TSNARE1: variants seen among roughly 807,000 people sequenced by gnomAD.
TSNARE1 encodes the protein t-SNARE domain containing 1, also known as t-SNARE domain-containing protein 1.
In TSNARE1, 49 loss-of-function variants were observed where a neutral mutation model predicts 62.0. The observed-to-expected ratio is 0.79, with a 90% CI of 0.63 to 1.00. The LOEUF (loss-of-function observed/expected upper bound fraction) is 1.00. Ranked by LOEUF, TSNARE1 falls within the 50% of genes least tolerant of loss-of-function variation. The pLI, the probability that TSNARE1 is intolerant of heterozygous loss-of-function variation, is 0.00. For missense variants in TSNARE1, 755 were observed against 700.1 expected (o/e 1.08, Z -0.88); for synonymous variants, 328 against 294.4 (o/e 1.11, Z -1.17).
intron 11 of TSNARE1, chr8:142,276,336 G>C (rs1326370802): frequency 1.1e-5 from 11 of 985,354 alleles, no homozygotes; most frequent in Non-Finnish European, 1.2e-5. Flanking sequence ...GAGGAGGAGA[G>C]GGAAGGAAGA....
chr8:142,254,097 G>A (rs1818311872), intron 12 of TSNARE1, among the ~76,000 whole-genome samples: 2 of 152,260 alleles, frequency 1.3e-5, no homozygotes, highest in Admixed American at 6.5e-5. Flanking sequence ...CTTCTTCTTG[G>A]CAGAAGGCAC....
At position 142,291,056 on chromosome 8, in the gene TSNARE1, A is replaced by G. The variant is rs1823655475; in HGVS notation, c.1291-6571T>C. Among the ~76,000 whole-genome samples the G allele has an allele frequency of 6.6e-6, 1 of 151,630 alleles. No homozygotes were observed. The highest frequency in any genetic ancestry group is 1.5e-5 in the Non-Finnish European group (1 of 67,916). ...GAAGGGCACGCGCCTGTTCCCTCCA[A>G]CCTCTCCTGCCCAGGGAGATGAATT... On this transcript the variant is annotated intron_variant, in intron 10 of 13. Coordinates refer to ENST00000524325, the MANE Select transcript of TSNARE1 (RefSeq NM_145003.5). This position sits in a 1 kb window ranked among gnomAD's most constrained non-coding sequence, Gnocchi z 4.8.
At chr8:142,405,457 C>G (rs904837221), upstream of TSNARE1, 3 of 152,126 alleles carry the variant, frequency 2.0e-5, no homozygotes, top group Non-Finnish European at 2.9e-5. Context: ...GTGGGGGTTG[C>G]CTGGTCCTCA....
chr8:142,256,287 C>CACT (rs1472471122), intron 12 of TSNARE1, among the ~76,000 whole-genome samples: 14 of 134,498 alleles, frequency 1.0e-4, no homozygotes, highest in South Asian at 2.6e-4. Flanking sequence ...CCATTACCAT[C>CACT]ATCACCACAC....
intron 13 of TSNARE1, among the ~76,000 whole-genome samples, chr8:142,223,105 CTCACTCGTTCACTCATTCACTCAT>C (rs1816521305): frequency 7.3e-6 from 1 of 136,884 alleles, no homozygotes; most frequent in Admixed American, 7.3e-5. Flanking sequence ...CACTCATTCA[CTCACTCGTTCACTCATTCACTCAT>C]TCACTCATTC....
chr8:142,263,985 TG>T (rs1819015457), intron 12 of TSNARE1, among the ~76,000 whole-genome samples: 1 of 152,250 alleles, frequency 6.6e-6, no homozygotes. Context: ...GGGTTCATTC[TG>T]TTGTTCCTTT....
intron 1 of TSNARE1, among the ~76,000 whole-genome samples, chr8:142,355,661 A>C (rs932243441): frequency 6.6e-6 from 1 of 152,154 alleles, no homozygotes; most frequent in South Asian, 2.1e-4. Context: ...CTACACCCTA[A>C]TGCTATCACT....
At chr8:142,329,009 G>A (rs761613926) in intron 6 of TSNARE1, among the ~76,000 whole-genome samples, 12 of 152,242 alleles carry the variant, frequency 7.9e-5, no homozygotes, top group Non-Finnish European at 1.3e-4. Context: ...TTTCCCTGAC[G>A]AAATGATGGC....
chr8:142,289,740 CTCCA>C (rs1823428213), intron 10 of TSNARE1, among the ~76,000 whole-genome samples: 1 of 152,254 alleles, frequency 6.6e-6, no homozygotes, highest in Non-Finnish European at 1.5e-5. Context: ...GTGTCTCTTC[CTCCA>C]TCATGGGAGG....
intron 11 of TSNARE1, chr8:142,279,989 C>A: frequency 8.6e-7 from 1 of 1,159,606 alleles, no homozygotes; most frequent in Non-Finnish European, 1.1e-6. Context: ...TTCTTGCGCA[C>A]AGCACCTCGC....
At chr8:142,219,349 G>A (rs1816093706) in intron 13 of TSNARE1, among the ~76,000 whole-genome samples, 1 of 152,200 alleles carries the variant, frequency 6.6e-6, no homozygotes, top group African/African-American at 2.4e-5. Flanking sequence ...GAAGGGAGAG[G>A]AGTGGGGGCC....
chr8:142,221,824 CTCACTCACTCATCCACTCAT>C (rs1816256930), intron 13 of TSNARE1, among the ~76,000 whole-genome samples: 3 of 20,720 alleles, frequency 1.4e-4, no homozygotes, highest in Admixed American at 5.0e-4. Flanking sequence ...CACTCATTCA[CTCACTCACTCATCCACTCAT>C]TCACTCACTC....
chr8:142,370,814 ACAT>A (rs1835864131), intron 1 of TSNARE1, among the ~76,000 whole-genome samples: 1 of 151,770 alleles, frequency 6.6e-6, no homozygotes, highest in Non-Finnish European at 1.5e-5. Context: ...CAATGGAGTG[ACAT>A]CTTTAAAGTG....
intron 6 of TSNARE1, among the ~76,000 whole-genome samples, chr8:142,327,913 G>A (rs1280758039): frequency 6.6e-6 from 1 of 152,048 alleles, no homozygotes; most frequent in Non-Finnish European, 1.5e-5. Context: ...TGGGCCAGCA[G>A]CCTCTCAGCA....
chr8:142,240,916 T>C (rs190439063), intron 12 of TSNARE1, among the ~76,000 whole-genome samples: 120 of 152,296 alleles, frequency 7.9e-4, no homozygotes, highest in African/African-American at 2.6e-3. Context: ...GGGCCAAGCG[T>C]CCAACTTTAG....
rs772778183 is a variant in TSNARE1 at position 142,285,255 on chromosome 8, C to CGTAGGTGGATGGATGGATGG, written c.1291-790_1291-771dup. Among the ~76,000 whole-genome samples the CGTAGGTGGATGGATGGATGG allele has an allele frequency of 1.3e-4, 16 of 120,314 alleles. 1 individual carries two copies. The highest frequency in any genetic ancestry group is 4.2e-4 in the African/African-American group (13 of 30,932). 78.9% of individuals were successfully genotyped at this position (120,314 alleles called of 152,430 possible). On this transcript the variant is annotated intron_variant, in intron 10 of 13. Coordinates refer to ENST00000524325, the MANE Select transcript of TSNARE1 (RefSeq NM_145003.5). ...GGATGGATGGGTAGATGGATGGATG[C>CGTAGGTGGATGGATGGATGG]GTAGGTGGATGGATGGATGGGTAGG...
At chr8:142,379,498 A>G (rs1459966106) in intron 1 of TSNARE1, among the ~76,000 whole-genome samples, 2 of 151,930 alleles carry the variant, frequency 1.3e-5, no homozygotes, top group Admixed American at 6.5e-5. Context: ...GGCCAACACC[A>G]CTCCTGCCAG....
rs575534065 is a variant in TSNARE1, at chr8:142,340,060, T to TG, written c.745+3905dup. Among the ~76,000 whole-genome samples the TG allele has an allele frequency of 2.0e-4, 31 of 152,196 alleles. No individual in the cohort carries two copies. In the South Asian group the frequency reaches 6.4e-3, roughly 32 times the overall value. On this transcript the variant is annotated intron_variant, in intron 4 of 13. Transcript: ENST00000524325. ...GGGGCCAGACTGGCCAGCACAGGGCTGGGTTTGTGGCCAGGGTCGGGGCCT... is the reference window on the plus strand; with the variant it reads ...GGGGCCAGACTGGCCAGCACAGGGCTGGGGTTTGTGGCCAGGGTCGGGGCCT...
At chr8:142,227,772 C>T (rs1190770629) in intron 13 of TSNARE1, among the ~76,000 whole-genome samples, 1 of 152,262 alleles carries the variant, frequency 6.6e-6, no homozygotes, top group African/African-American at 2.4e-5. Flanking sequence ...AAGACCTGTT[C>T]AGTCCATGCT....
Sources: gnomAD v4.1 joint callset for allele counts (sites outside exome capture counted in the v4.1 genomes callset) on GRCh38, gnomAD v4.1.1 for gene constraint, Gnocchi (gnomAD v3.1) non-coding constraint, MANE v1.5 for transcripts, NCBI Gene and HGNC (gene_info 2026-07-23, HGNC 2026-07-21) for gene names.